The following CDYL2 variants were observed in gnomAD, a reference collection of about 807,000 sequenced individuals.
The protein encoded by CDYL2 is chromodomain Y like 2, also known as chromodomain Y-like protein 2.
CDYL2 carries 23 observed loss-of-function variants against 49.4 expected under a neutral mutation model. The observed-to-expected ratio is 0.47, with a 90% CI of 0.34 to 0.66. CDYL2 has a LOEUF of 0.66. Ranked by LOEUF, CDYL2 falls within the 30% of genes least tolerant of loss-of-function variation. The pLI is 0.01. For synonymous variants in CDYL2, 360 were observed against 268.8 expected (o/e 1.34, Z -3.32); for missense variants, 678 against 656.4 (o/e 1.03, Z -0.36).
chr16:80,792,392 G>T (rs2142416508), intron 1 of CDYL2, among the ~76,000 whole-genome samples: 1 of 152,276 alleles, frequency 6.6e-6, no homozygotes, highest in South Asian at 2.1e-4. Flanking sequence ...AGAACAAGAG[G>T]TGGCGACCCA....
intron 1 of CDYL2, among the ~76,000 whole-genome samples, chr16:80,704,966 C>G (rs1387832222): frequency 6.6e-6 from 1 of 152,168 alleles, no homozygotes; most frequent in East Asian, 1.9e-4. Context: ...CTCCCTGGTC[C>G]AGGCTTGACA....
chr16:80,705,037 T>G (rs1318804306), intron 1 of CDYL2, among the ~76,000 whole-genome samples: 1 of 152,208 alleles, frequency 6.6e-6, no homozygotes, highest in African/African-American at 2.4e-5. Context: ...GCAGATGCTC[T>G]GTTTGACTCA....
intron 1 of CDYL2, among the ~76,000 whole-genome samples, chr16:80,695,055 C>A (rs1007692260): frequency 1.1e-4 from 17 of 152,236 alleles, no homozygotes; most frequent in African/African-American, 4.1e-4. Context: ...ATTCAAGAGT[C>A]CATCTGATAT....
intron 2 of CDYL2, among the ~76,000 whole-genome samples, chr16:80,682,460 G>A (rs2142471177): frequency 6.6e-6 from 1 of 152,330 alleles, no homozygotes; most frequent in South Asian, 2.1e-4. Context: ...GCCGAAGGGT[G>A]AAGAGCACAG....
At position 80,604,095 on chromosome 16, in the gene CDYL2, T is replaced by C. The variant is rs930047189; in HGVS notation, c.*293A>G. On this transcript the variant is annotated 3_prime_UTR_variant, in exon 7 of 7. Coordinates refer to ENST00000570137, the MANE Select transcript of CDYL2 (RefSeq NM_152342.4). ...CCCTTCCTGGACCGTCATGGTGCAT[T>C]TCAGCAAGTGGGGAAAGGACAGCGG... 1.7e-5 allele frequency: 7 copies of C among 412,256 alleles called. No homozygotes were observed. Among genetic ancestry groups the C allele is most frequent in the African/African-American group, 1.0e-4 (5 of 50,202 alleles). The allele number at this position is 412,256 out of a possible 1,614,324, so 25.5% of individuals were successfully genotyped here.
At chr16:80,748,982 G>A (rs1906036010) in intron 1 of CDYL2, among the ~76,000 whole-genome samples, 1 of 151,952 alleles carries the variant, frequency 6.6e-6, no homozygotes, top group Non-Finnish European at 1.5e-5. Flanking sequence ...GAACATTGAG[G>A]ATAGAAAAAT....
At chr16:80,688,403 G>T (rs188519993) in intron 1 of CDYL2, among the ~76,000 whole-genome samples, 2,729 of 151,982 alleles carry the variant, frequency 0.018, 31 homozygotes, top group Admixed American at 0.026. Context: ...TGTCCCCATC[G>T]GTAAAATATA....
chr16:80,701,722 A>G (rs1185715458), intron 1 of CDYL2, among the ~76,000 whole-genome samples: 1 of 152,258 alleles, frequency 6.6e-6, no homozygotes, highest in Admixed American at 6.5e-5. Context: ...GGTTTGCAAC[A>G]AACTGATCGA....
chr16:80,651,377 G>A (rs977428350), intron 2 of CDYL2, among the ~76,000 whole-genome samples: 3 of 152,162 alleles, frequency 2.0e-5, no homozygotes, highest in African/African-American at 4.8e-5. Context: ...CTATAAAACA[G>A]TCTAGTAAAA....
chr16:80,669,869 C>T (rs1272483759), intron 2 of CDYL2, among the ~76,000 whole-genome samples: 1 of 152,216 alleles, frequency 6.6e-6, no homozygotes, highest in Non-Finnish European at 1.5e-5. Context: ...TGAGTGCACA[C>T]CATGAGGGTC....
chr16:80,689,893 G>T (rs1910344073), intron 1 of CDYL2, among the ~76,000 whole-genome samples: 2 of 152,152 alleles, frequency 1.3e-5, no homozygotes, highest in Admixed American at 1.3e-4. Context: ...GGCTGAGGTG[G>T]CCGGATCACC....
At chr16:80,638,236 G>C (rs540101478) in intron 2 of CDYL2, among the ~76,000 whole-genome samples, 22 of 152,142 alleles carry the variant, frequency 1.4e-4, no homozygotes, top group African/African-American at 5.1e-4. Flanking sequence ...TAACACACCT[G>C]GCTATTTTAT....
At chr16:80,624,933 G>A (rs1461814012) in intron 3 of CDYL2, among the ~76,000 whole-genome samples, 1 of 152,124 alleles carries the variant, frequency 6.6e-6, no homozygotes, top group East Asian at 1.9e-4. Flanking sequence ...ATAACGGAGA[G>A]ATTAAAGACA....
intron 1 of CDYL2, among the ~76,000 whole-genome samples, chr16:80,774,960 C>T (rs1485330483): frequency 1.3e-5 from 2 of 151,406 alleles, no homozygotes; most frequent in African/African-American, 4.9e-5. Flanking sequence ...AGAAGGTTAG[C>T]ATTAAGAAAT....
chr16:80,741,097 G>T (rs1905717871), intron 1 of CDYL2, among the ~76,000 whole-genome samples: 2 of 150,448 alleles, frequency 1.3e-5, no homozygotes, highest in South Asian at 4.2e-4. Flanking sequence ...GCTACAATAA[G>T]GTAGTAAGTA....
chr16:80,782,299 A>G (rs1269093466), intron 1 of CDYL2, among the ~76,000 whole-genome samples: 1 of 151,970 alleles, frequency 6.6e-6, no homozygotes, highest in Admixed American at 6.5e-5. Flanking sequence ...AAAAATGAAT[A>G]GAAAATCTGA....
At chr16:80,640,612 T>A (rs58527764) in intron 2 of CDYL2, among the ~76,000 whole-genome samples, 7,422 of 152,080 alleles carry the variant, frequency 0.049, 599 homozygotes, top group African/African-American at 0.17. Flanking sequence ...AGGCACCAGG[T>A]ACTAACCCTG....
intron 1 of CDYL2, among the ~76,000 whole-genome samples, chr16:80,767,337 T>A (rs1031524896): frequency 4.6e-5 from 7 of 152,180 alleles, no homozygotes; most frequent in African/African-American, 1.7e-4. Context: ...CTATTTTACT[T>A]TGGAGACACT....
rs1388937356 is a variant in CDYL2, at chr16:80,599,700, A to G, written c.*4688T>C. The stretch of plus-strand genomic sequence containing the variant: ...ACCTTACCCAGAATGGACGTTTCCA[A>G]GTCATCGACAAGGAATCTGGGGCCA... On this transcript the variant is annotated 3_prime_UTR_variant, in exon 7 of 7. Transcript: ENST00000570137. 1.3e-5 allele frequency: 2 copies of G among 152,230 alleles called. No homozygotes were observed. Among genetic ancestry groups the G allele is most frequent in the African/African-American group, 4.8e-5 (2 of 41,458 alleles). The allele number at this position is 152,230 out of a possible 1,614,324, so 9.4% of individuals were successfully genotyped here.
Sources: gnomAD v4.1 joint callset for allele counts (sites outside exome capture counted in the v4.1 genomes callset) on GRCh38, gnomAD v4.1.1 for gene constraint, MANE v1.5 for transcripts, NCBI Gene and HGNC (gene_info 2026-07-23, HGNC 2026-07-21) for gene names.